The following PPP1CB variants were observed in gnomAD, a reference collection of about 807,000 sequenced individuals.
PPP1CB encodes the protein serine/threonine-protein phosphatase PP1-beta catalytic subunit.
PPP1CB carries 2 observed loss-of-function variants against 43.7 expected under a neutral mutation model. That is an observed-to-expected ratio of 0.05 (90% CI 0.02 to 0.14). The LOEUF is 0.14. PPP1CB is among the 10% of genes least tolerant of loss of function. PPP1CB has a pLI of 1.00. For missense variants in PPP1CB, 84 were observed against 398.0 expected (o/e 0.21, Z 6.71); for synonymous variants, 136 against 135.6 (o/e 1.00, Z -0.02).
chr2:28,768,311 G>T (rs1666827419), intron 1 of PPP1CB, among the ~76,000 whole-genome samples: 3 of 152,106 alleles, frequency 2.0e-5, no homozygotes, highest in Non-Finnish European at 4.4e-5. Context: ...AAGAAAGGTG[G>T]AAGTTTGGGG....
intron 1 of PPP1CB, among the ~76,000 whole-genome samples, chr2:28,772,672 T>G (rs1666939357): frequency 6.6e-6 from 1 of 152,202 alleles, no homozygotes; most frequent in African/African-American, 2.4e-5. Flanking sequence ...GGTTGAATAT[T>G]TTTTATCCAA....
At chr2:28,764,477 G>A (rs552986332) in intron 1 of PPP1CB, among the ~76,000 whole-genome samples, 1 of 151,196 alleles carries the variant, frequency 6.6e-6, no homozygotes, top group East Asian at 1.9e-4. Flanking sequence ...AAAAAAAAGA[G>A]AGACTCCACA....
At position 28,752,137 on chromosome 2, in the gene PPP1CB, G is replaced by C. The variant is rs1158082133; in HGVS notation, c.13G>C (p.Glu5Gln). The change falls in exon 1 of 8, where the codon GAG becomes CAG. Residue 5 changes from glutamate (E) to glutamine (Q), a missense_variant. Coordinates refer to ENST00000395366, the MANE Select transcript of PPP1CB (RefSeq NM_002709.3). MADG[E>Q]LNVDSLITRL... ...CTGTGCCGACAAGATGGCGGACGGGGAGCTGAACGTGGACAGCCTCATCAC... is the reference window on the plus strand; with the variant it reads ...CTGTGCCGACAAGATGGCGGACGGGCAGCTGAACGTGGACAGCCTCATCAC... 2.6e-6 allele frequency: 4 copies of C among 1,549,790 alleles called. No homozygotes were observed. In the Admixed American group the frequency reaches 5.9e-5, roughly 23 times the overall value.
In PPP1CB at chr2:28,797,296, G is replaced by T. The variant is rs563555963; in HGVS notation, c.880-1903G>T. Among the ~76,000 whole-genome samples, 12 of 152,226 alleles carry T rather than the reference G, an allele frequency of 7.9e-5. No individual in the cohort carries two copies. In the South Asian group the frequency reaches 8.3e-4, roughly 11 times the overall value. On this transcript the variant is annotated intron_variant, in intron 7 of 7. Transcript: ENST00000395366. ...ATGCTCACTTCGTAGACTGAGTTAG[G>T]GGGGAGGTCCTCTTCCTGGATTGTT...
chr2:28,789,702 G>A (rs990716228), intron 6 of PPP1CB, among the ~76,000 whole-genome samples: 2 of 144,868 alleles, frequency 1.4e-5, no homozygotes, highest in Non-Finnish European at 3.0e-5. Flanking sequence ...AGGCTCAAGC[G>A]ATTCTTCTGC....
intron 7 of PPP1CB, among the ~76,000 whole-genome samples, chr2:28,798,969 C>G (rs905100511): frequency 6.6e-6 from 1 of 151,868 alleles, no homozygotes; most frequent in Admixed American, 6.6e-5. Flanking sequence ...TTACTTAAAT[C>G]TAAGGATTGG....
intron 1 of PPP1CB, among the ~76,000 whole-genome samples, chr2:28,758,660 C>T (rs761886808): frequency 1.3e-5 from 2 of 152,260 alleles, no homozygotes; most frequent in Admixed American, 6.5e-5. Context: ...ACTTGTCATA[C>T]AGTAGGAAAA....
intron 4 of PPP1CB, 43 bp from the exon 5 acceptor site, chr2:28,783,864 A>G (rs751947952): frequency 1.5e-5 from 20 of 1,363,752 alleles, no homozygotes; most frequent in Non-Finnish European, 1.9e-5. Context: ...AAAATATTAA[A>G]ATTTTTAGCT....
intron 5 of PPP1CB, among the ~76,000 whole-genome samples, chr2:28,788,195 A>C (rs1667311974): frequency 6.6e-6 from 1 of 152,208 alleles, no homozygotes; most frequent in African/African-American, 2.4e-5. Context: ...TACCAAATAT[A>C]AAGACTTATT....
intron 1 of PPP1CB, among the ~76,000 whole-genome samples, chr2:28,759,056 T>C (rs1050602978): frequency 1.3e-5 from 2 of 152,230 alleles, no homozygotes; most frequent in African/African-American, 2.4e-5. Flanking sequence ...AATGATGTTT[T>C]GGTCAACAGT....
At chr2:28,777,208 TAAAG>T (rs1482165064) in intron 2 of PPP1CB, 4 of 269,936 alleles carry the variant, frequency 1.5e-5, no homozygotes, top group Non-Finnish European at 2.8e-5. Context: ...TTATAATATA[TAAAG>T]AGTTCTTATA....
At chr2:28,766,619 G>A (rs898619468) in intron 1 of PPP1CB, among the ~76,000 whole-genome samples, 8 of 152,126 alleles carry the variant, frequency 5.3e-5, no homozygotes, top group Non-Finnish European at 5.9e-5. Context: ...CAGTCACTTC[G>A]AATGAGGATT....
chr2:28,769,713 C>T (rs1420987019), intron 1 of PPP1CB, among the ~76,000 whole-genome samples: 4 of 151,882 alleles, frequency 2.6e-5, no homozygotes, highest in South Asian at 2.1e-4. Context: ...AACAAAAATA[C>T]GACAACTGTA....
At chr2:28,762,323 A>T (rs1244891651) in intron 1 of PPP1CB, among the ~76,000 whole-genome samples, 1 of 152,234 alleles carries the variant, frequency 6.6e-6, no homozygotes, top group African/African-American at 2.4e-5. Flanking sequence ...AAGTAGCAAC[A>T]TATTACATTT....
Position 28,756,970 on chromosome 2 carries a change from A to G in PPP1CB, c.52+4794A>G, listed in dbSNP as rs534335688. Among the ~76,000 whole-genome samples the G allele has an allele frequency of 4.6e-5, 7 of 152,304 alleles. No homozygotes were observed. The East Asian group carries it at 1.4e-3, about 29-fold the overall frequency. ...TATACTATAGAGTTGTGCAGCCATC[A>G]CCACAGTGAACTGTATAATATTTTC... On this transcript the variant is annotated intron_variant, in intron 1 of 7. Transcript: ENST00000395366.
intron 1 of PPP1CB, among the ~76,000 whole-genome samples, chr2:28,772,382 C>A (rs1020073466): frequency 2.0e-5 from 3 of 152,226 alleles, no homozygotes; most frequent in Non-Finnish European, 4.4e-5. Flanking sequence ...ATATACCCAA[C>A]AAAATGACTA....
chr2:28,782,198 G>A (rs1014369769), intron 4 of PPP1CB, among the ~76,000 whole-genome samples: 19 of 151,918 alleles, frequency 1.3e-4, no homozygotes, highest in African/African-American at 4.4e-4. Context: ...ATAAAATTGA[G>A]TTTCATATTC....
At chr2:28,786,957 G>A (rs908570007) in intron 5 of PPP1CB, among the ~76,000 whole-genome samples, 4 of 152,078 alleles carry the variant, frequency 2.6e-5, no homozygotes, top group Admixed American at 2.0e-4. Context: ...TTGTGTGCTA[G>A]TGAATTTCTT....
intron 1 of PPP1CB, among the ~76,000 whole-genome samples, chr2:28,776,365 G>A (rs1049192827): frequency 3.9e-5 from 6 of 152,074 alleles, no homozygotes; most frequent in Non-Finnish European, 5.9e-5. Context: ...GGGTTCAAGC[G>A]ATTCTCCTAA....
Sources: gnomAD v4.1 joint callset for allele counts (sites outside exome capture counted in the v4.1 genomes callset) on GRCh38, gnomAD v4.1.1 for gene constraint, MANE v1.5 for transcripts, NCBI Gene and HGNC (gene_info 2026-07-23, HGNC 2026-07-21) for gene names.